The following APOL5 variants were observed in gnomAD, a reference collection of about 807,000 sequenced individuals.
The protein encoded by APOL5 is apolipoprotein L5, also known as apolipoprotein L, 5.
A neutral mutation model predicts 35.5 loss-of-function variants in APOL5; 29 were observed. The observed-to-expected ratio is 0.82, with a 90% CI of 0.61 to 1.11. The LOEUF is 1.11. Among genes scored for constraint, APOL5 ranks in the 50% most tolerant of loss-of-function variants. The pLI, the probability that APOL5 is intolerant of heterozygous loss-of-function variation, is 0.00. For synonymous variants in APOL5, 188 were observed against 200.2 expected, an observed-to-expected ratio of 0.94 and a Z score of 0.51; for missense variants, 514 against 530.4, an observed-to-expected ratio of 0.97 and a Z score of 0.30.
chr22:35,726,628 C>T lies in APOL5; in HGVS notation c.560C>T (p.Thr187Ile), dbSNP rs1046110886. The stretch of plus-strand genomic sequence containing the variant: ...GCAGCTGCCATCACCAACATAGTAA[C>T]AAATGTCTTAGAAAATAGAAGCAAT... Reference protein sequence around the residue: ...GAAAAITNIVTNVLENRSNSA... With the variant: ...GAAAAITNIVINVLENRSNSA... The change falls in exon 3 of 5, where the codon ACA becomes ATA. Residue 187 changes from threonine (T) to isoleucine (I), a missense_variant. This residue lies in a region of APOL5 where 254 missense variants were observed against 254.7 expected (regional missense o/e 1.00). Transcript: ENST00000249044. 5 of 1,614,074 alleles carry T rather than the reference C, an allele frequency of 3.1e-6. No homozygotes were observed. The African/African-American group carries it at 6.7e-5, about 22-fold the overall frequency.
intron 2 of APOL5, among the ~76,000 whole-genome samples, chr22:35,725,865 C>T (rs576504501): frequency 6.6e-6 from 1 of 152,266 alleles, no homozygotes; most frequent in East Asian, 1.9e-4. Flanking sequence ...AACACCTAAA[C>T]TATAATTTCT....
chr22:35,728,236 T>A (rs2146007257), intron 3 of APOL5, among the ~76,000 whole-genome samples: 1 of 152,354 alleles, frequency 6.6e-6, no homozygotes, highest in East Asian at 1.9e-4. Flanking sequence ...TTATTTTTTA[T>A]TTTTTGAGAC....
At chr22:35,711,138 T>A in the APOL5 span, among the ~76,000 whole-genome samples, 2 of 152,294 alleles carry the variant, frequency 1.3e-5, no homozygotes, top group African/African-American at 4.8e-5. Context: ...CCATTGGCAC[T>A]CCAGCCTGGG....
chr22:35,723,850 G>A lies in APOL5; in HGVS notation c.143-2361G>A, dbSNP rs566145559. 1.3e-4 allele frequency among the ~76,000 whole-genome samples: 20 copies of A among 152,300 alleles called. No homozygotes were observed. In the South Asian group the frequency reaches 4.1e-3, roughly 32 times the overall value. On this transcript the variant is annotated intron_variant, in intron 2 of 4. Transcript: ENST00000249044. ...GGTGGTGCATCATGCCCGGCTACTCGGGAGGCTGAGGCAGAAGAATGGCTT... is the reference window on the plus strand; with the variant it reads ...GGTGGTGCATCATGCCCGGCTACTCAGGAGGCTGAGGCAGAAGAATGGCTT...
chr22:35,716,113 AAG>A (rs1305907301), upstream of APOL5, among the ~76,000 whole-genome samples: 9 of 152,324 alleles, frequency 5.9e-5, no homozygotes, highest in African/African-American at 2.2e-4. Context: ...CCAACAAAAA[AAG>A]AAAACAATAT....
At chr22:35,715,299 C>T (rs1926711135), upstream of APOL5, among the ~76,000 whole-genome samples, 1 of 152,172 alleles carries the variant, frequency 6.6e-6, no homozygotes, top group Admixed American at 6.5e-5. Context: ...CTCCCAAGAT[C>T]TATTCTAGCC....
the APOL5 span, among the ~76,000 whole-genome samples, chr22:35,711,603 C>CTTCCTTCCTTCCTTCCTTCCTTCT: frequency 4.4e-3 from 534 of 122,572 alleles, 5 homozygotes; most frequent in Middle Eastern, 0.017. Flanking sequence ...CATGTTTTTC[C>CTTCCTTCCTTCCTTCCTTCCTTCT]TTCCTTCCTT....
chr22:35,719,480 T>C (rs1212310031), intron 1 of APOL5, among the ~76,000 whole-genome samples: 1 of 152,220 alleles, frequency 6.6e-6, no homozygotes, highest in Non-Finnish European at 1.5e-5. Context: ...GAGCGTTCAC[T>C]TGCTCCCAAG....
the APOL5 span, among the ~76,000 whole-genome samples, chr22:35,711,211 G>T: frequency 6.6e-6 from 1 of 152,100 alleles, no homozygotes; most frequent in East Asian, 1.9e-4. Context: ...AAACAAAAAA[G>T]ACTTCCTTCT....
intron 1 of APOL5, among the ~76,000 whole-genome samples, chr22:35,718,199 T>C (rs1389320340): frequency 5.3e-5 from 8 of 152,244 alleles, no homozygotes; most frequent in Non-Finnish European, 1.2e-4. Context: ...AAGCCCCTGC[T>C]TGAAGCAGTG....
At chr22:35,717,235 A>AAAAAAAAAAAAAAAAAATATATATATAT, upstream of APOL5, among the ~76,000 whole-genome samples, 187 of 57,440 alleles carry the variant, frequency 3.3e-3, 2 homozygotes, top group Non-Finnish European at 5.1e-3. Flanking sequence ...AAAAAAAAAA[A>AAAAAAAAAAAAAAAAAATATATATATAT]ATATATATAT....
intron 2 of APOL5, among the ~76,000 whole-genome samples, chr22:35,724,995 T>G (rs760368205): frequency 6.6e-6 from 1 of 152,156 alleles, no homozygotes; most frequent in Non-Finnish European, 1.5e-5. Flanking sequence ...AGGGGTAGTT[T>G]GAACTGTGCT....
At position 35,720,562 on chromosome 22, in the gene APOL5, C is replaced by T. The variant is rs751718007; in HGVS notation, c.56-6C>T. The T allele has an allele frequency of 1.9e-6, 3 of 1,613,940 alleles. No homozygotes were observed. The highest frequency in any genetic ancestry group is 2.5e-6 in the Non-Finnish European group (3 of 1,179,854). On this transcript the variant is annotated splice_polypyrimidine_tract_variant and splice_region_variant and intron_variant, in intron 1 of 4. Transcript: ENST00000249044. ...AGAAATGTCCCTGATCCTTGTCCAT[C>T]TCCAGGCTTGGGAGAAGGTTGTAAA...
chr22:35,717,233 A>ATATATAT (rs71324555), upstream of APOL5, among the ~76,000 whole-genome samples: 1 of 37,310 alleles, frequency 2.7e-5, no homozygotes, highest in African/African-American at 1.4e-4. Context: ...AAAAAAAAAA[A>ATATATAT]AAATATATAT....
At chr22:35,722,443 C>G (rs1353581991) in intron 2 of APOL5, among the ~76,000 whole-genome samples, 2 of 152,178 alleles carry the variant, frequency 1.3e-5, no homozygotes, top group African/African-American at 2.4e-5. Context: ...GCTGGGACTA[C>G]AGGTGCCCGC....
At chr22:35,712,305 G>A in the APOL5 span, among the ~76,000 whole-genome samples, 4 of 151,964 alleles carry the variant, frequency 2.6e-5, no homozygotes, top group African/African-American at 9.7e-5. Context: ...CACCACACCC[G>A]GCTCATTTTT....
chr22:35,709,528 C>T, the APOL5 span, among the ~76,000 whole-genome samples: 1 of 152,220 alleles, frequency 6.6e-6, no homozygotes, highest in African/African-American at 2.4e-5. Context: ...AATCTAGTAA[C>T]TTCATTACAT....
intron 2 of APOL5, 71 bp downstream of exon 2, chr22:35,720,725 C>A: frequency 9.0e-7 from 1 of 1,108,674 alleles, no homozygotes; most frequent in Non-Finnish European, 1.4e-6. Context: ...CTGTCACAGA[C>A]CCAGCACTCA....
At chr22:35,720,198 G>A (rs1018581906) in intron 1 of APOL5, among the ~76,000 whole-genome samples, 1 of 152,366 alleles carries the variant, frequency 6.6e-6, no homozygotes, top group East Asian at 1.9e-4. Context: ...GCCCAGGCCC[G>A]AGGGTGGAAC....
Sources: allele counts gnomAD v4.1 joint callset (sites outside exome capture counted in the v4.1 genomes callset), GRCh38; gene constraint gnomAD v4.1.1; regional missense constraint gnomAD v4.1.1; transcripts MANE v1.5; gene names NCBI Gene and HGNC (gene_info 2026-07-23, HGNC 2026-07-21).